Variants in DDX46 observed in about 807,000 individuals in gnomAD.
DDX46 encodes the protein probable ATP-dependent RNA helicase DDX46.
In DDX46, 30 loss-of-function variants were observed where a neutral mutation model predicts 134.9. The ratio of observed to expected loss-of-function variants is 0.22; its 90% CI spans 0.17 to 0.30. DDX46 has a LOEUF of 0.30. Ranked by LOEUF, DDX46 falls within the 10% of genes least tolerant of loss-of-function variation. The pLI, the probability that DDX46 is intolerant of heterozygous loss-of-function variation, is 1.00. For missense variants in DDX46, 622 were observed against 1,248.7 expected (o/e 0.50, Z 7.56); for synonymous variants, 415 against 404.1 (o/e 1.03, Z -0.32).
rs143847046 is a variant in DDX46, at chr5:134,771,362, A to G, written c.447+363A>G. On this transcript the variant is annotated intron_variant, in intron 4 of 22. Coordinates refer to ENST00000452510, the MANE Select transcript of DDX46 (RefSeq NM_001300860.2). ...CCTGCCTCGGACCCCCAAAGTGCTGAGATTACAGGTGTGAGCCACCGTGCC... is the reference window on the plus strand; with the variant it reads ...CCTGCCTCGGACCCCCAAAGTGCTGGGATTACAGGTGTGAGCCACCGTGCC... Among the ~76,000 whole-genome samples the G allele has an allele frequency of 8.7e-3, 1,240 of 143,074 alleles. 16 individuals carry two copies. The highest frequency in any genetic ancestry group is 0.027 in the African/African-American group (1,086 of 39,540). 93.9% of individuals were successfully genotyped at this position (143,074 alleles called of 152,430 possible). A position where few individuals can be genotyped will look rare whatever the true frequency, so the allele number is the denominator to read the frequency against.
At chr5:134,828,293 C>T (rs946285821) in intron 22 of DDX46, among the ~76,000 whole-genome samples, 7 of 151,978 alleles carry the variant, frequency 4.6e-5, no homozygotes, top group Non-Finnish European at 8.8e-5. Flanking sequence ...AAAGTGGGTT[C>T]ACAAAACAAG....
At chr5:134,804,512 A>T (rs1754925640) in intron 15 of DDX46, among the ~76,000 whole-genome samples, 1 of 152,064 alleles carries the variant, frequency 6.6e-6, no homozygotes, top group Non-Finnish European at 1.5e-5. Flanking sequence ...ATCACAGCTT[A>T]CTGTAGCCTG....
At chr5:134,811,399 T>G in intron 17 of DDX46, 41 bp downstream of exon 17, 1 of 1,598,510 alleles carries the variant, frequency 6.3e-7, no homozygotes, top group South Asian at 1.1e-5. Context: ...AAATCATTAA[T>G]GTGACTAAAC....
At chr5:134,800,199 C>G (rs551912321) in intron 15 of DDX46, among the ~76,000 whole-genome samples, 2 of 152,178 alleles carry the variant, frequency 1.3e-5, no homozygotes, top group Non-Finnish European at 2.9e-5. Context: ...CCACCTGCCT[C>G]GGCCTTCCAA....
intron 11 of DDX46, among the ~76,000 whole-genome samples, chr5:134,785,965 C>T (rs911882675): frequency 6.6e-6 from 1 of 152,066 alleles, no homozygotes; most frequent in Non-Finnish European, 1.5e-5. Context: ...TCTCCTACCT[C>T]AGCCTCCCAA....
At chr5:134,767,945 C>T (rs1753629278) in intron 3 of DDX46, among the ~76,000 whole-genome samples, 1 of 148,626 alleles carries the variant, frequency 6.7e-6, no homozygotes, top group Non-Finnish European at 1.5e-5. Flanking sequence ...AGTGAAACTC[C>T]TTCTCAAAAA....
At chr5:134,775,936 CAG>C (rs1753921632) in intron 5 of DDX46, among the ~76,000 whole-genome samples, 1 of 152,176 alleles carries the variant, frequency 6.6e-6, no homozygotes, top group Admixed American at 6.5e-5. Context: ...AACCCCCACA[CAG>C]TGAAATATCC....
At chr5:134,820,609 A>G (rs934786332) in intron 21 of DDX46, among the ~76,000 whole-genome samples, 1 of 152,130 alleles carries the variant, frequency 6.6e-6, no homozygotes, top group African/African-American at 2.4e-5. Flanking sequence ...TACTGTCTCC[A>G]TTTGGAACTA....
At chr5:134,804,225 A>G (rs553157789) in intron 15 of DDX46, among the ~76,000 whole-genome samples, 33 of 152,244 alleles carry the variant, frequency 2.2e-4, no homozygotes, top group African/African-American at 7.5e-4. Context: ...CTGAGATGTC[A>G]GGAGGTTTAT....
intron 3 of DDX46, among the ~76,000 whole-genome samples, chr5:134,770,199 AT>A (rs368105956): frequency 0.022 from 2,817 of 129,788 alleles, 27 homozygotes; most frequent in Middle Eastern, 0.046. Flanking sequence ...GCCTGACCAA[AT>A]TTTTTTTTTT....
At chr5:134,783,729 A>T (rs1467554537) in intron 9 of DDX46, among the ~76,000 whole-genome samples, 1 of 149,294 alleles carries the variant, frequency 6.7e-6, no homozygotes, top group Non-Finnish European at 1.5e-5. Flanking sequence ...TTGTATTTTT[A>T]GTAGAGACAG....
chr5:134,800,867 G>A (rs372784175), intron 15 of DDX46, among the ~76,000 whole-genome samples: 1 of 152,172 alleles, frequency 6.6e-6, no homozygotes, highest in South Asian at 2.1e-4. Context: ...GTAGAGATGG[G>A]TTGTCGTCAT....
At chr5:134,774,988 C>T (rs774430317) in intron 5 of DDX46, among the ~76,000 whole-genome samples, 1 of 152,118 alleles carries the variant, frequency 6.6e-6, no homozygotes, top group Non-Finnish European at 1.5e-5. Context: ...GCCACCATGC[C>T]TGGATAATTT....
intron 13 of DDX46, among the ~76,000 whole-genome samples, chr5:134,792,542 G>A (rs1042165659): frequency 1.3e-5 from 2 of 152,286 alleles, no homozygotes; most frequent in Middle Eastern, 3.4e-3. Flanking sequence ...GCCCTTTAAT[G>A]TCTTTCCCAA....
intron 5 of DDX46, among the ~76,000 whole-genome samples, chr5:134,775,431 C>CT (rs562396875): frequency 5.3e-4 from 79 of 148,964 alleles, no homozygotes; most frequent in African/African-American, 1.6e-3. Flanking sequence ...GTCATGATGT[C>CT]TTTTTTTTTT....
chr5:134,793,154 CT>C (rs1372815539), intron 13 of DDX46, among the ~76,000 whole-genome samples: 36 of 151,842 alleles, frequency 2.4e-4, no homozygotes, highest in Non-Finnish European at 5.0e-4. Flanking sequence ...GAGACCGTGT[CT>C]CAAGAAAAAA....
intron 2 of DDX46, among the ~76,000 whole-genome samples, chr5:134,764,736 A>T (rs1465570869): frequency 1.3e-5 from 2 of 151,928 alleles, no homozygotes; most frequent in Non-Finnish European, 2.9e-5. Context: ...GCTCCAGGAG[A>T]GCTGACCAAG....
At chr5:134,813,753 C>T (rs901896686) in intron 18 of DDX46, among the ~76,000 whole-genome samples, 14 of 152,064 alleles carry the variant, frequency 9.2e-5, no homozygotes, top group Admixed American at 1.3e-4. Context: ...GTAGCTGGTA[C>T]TATGGGTGCA....
intron 21 of DDX46, among the ~76,000 whole-genome samples, chr5:134,822,915 A>C (rs972292462): frequency 2.6e-5 from 4 of 152,152 alleles, no homozygotes; most frequent in African/African-American, 9.7e-5. Flanking sequence ...ATTCTTCAAC[A>C]TAGATTCATA....
Sources: allele counts gnomAD v4.1 joint callset (sites outside exome capture counted in the v4.1 genomes callset), GRCh38; gene constraint gnomAD v4.1.1; transcripts MANE v1.5; gene names NCBI Gene and HGNC (gene_info 2026-07-23, HGNC 2026-07-21).